The following TMEM200C variants were observed in gnomAD, a reference collection of about 807,000 sequenced individuals.
TMEM200C encodes the protein transmembrane protein TTMA.
For missense variants in TMEM200C, 966 were observed against 699.9 expected (o/e 1.38, Z -4.29); for synonymous variants, 462 against 324.7 (o/e 1.42, Z -4.55).
chr18:5,888,744 T>C (rs992974012), exon 3 of TMEM200C: 3 of 152,240 alleles, frequency 2.0e-5, no homozygotes, highest in African/African-American at 7.2e-5. Context: ...AGGGTTCTGG[T>C]AAACTCCACA....
chr18:5,890,238 G>C (rs1410701883), exon 3 of TMEM200C: 1 of 1,579,270 alleles, frequency 6.3e-7, no homozygotes, highest in East Asian at 2.3e-5. Context: ...TACCCCTATG[G>C]CATGAGACCT....
At chr18:5,889,321 A>C (rs1315465909) in exon 3 of TMEM200C, 1 of 152,190 alleles carries the variant, frequency 6.6e-6, no homozygotes, top group Non-Finnish European at 1.5e-5. Flanking sequence ...ACTTTGGGGG[A>C]AGATCACAAC....
exon 3 of TMEM200C, chr18:5,890,532 C>T (rs1356182181): frequency 2.7e-6 from 4 of 1,479,174 alleles, no homozygotes; most frequent in Non-Finnish European, 3.6e-6. Flanking sequence ...GCCCTCCAGC[C>T]GCAGGGGTGG....
At chr18:5,893,375 G>A (rs2095173064) in intron 2 of TMEM200C, among the ~76,000 whole-genome samples, 1 of 148,200 alleles carries the variant, frequency 6.7e-6, no homozygotes. Context: ...ACTACTCTTA[G>A]GAAGTTTATT....
exon 3 of TMEM200C, chr18:5,890,250 G>A (rs1688254430): frequency 1.9e-6 from 3 of 1,584,122 alleles, no homozygotes; most frequent in African/African-American, 1.3e-5. Context: ...ATGAGACCTG[G>A]AAATCATGAT....
exon 3 of TMEM200C, chr18:5,887,804 C>T (rs2095166524): frequency 6.6e-6 from 1 of 152,194 alleles, no homozygotes; most frequent in African/African-American, 2.4e-5. Flanking sequence ...CACTTATACA[C>T]TTCCTCTGAA....
exon 3 of TMEM200C, chr18:5,890,342 C>T: frequency 6.2e-7 from 1 of 1,603,586 alleles, no homozygotes; most frequent in Non-Finnish European, 8.5e-7. Flanking sequence ...CACCCTCCGG[C>T]GAGCTCTGCT....
Position 5,891,847 on chromosome 18 carries a change from C to A in TMEM200C, c.217G>T (p.Gly73Cys), listed in dbSNP as rs1343214684. 2 of 1,608,154 alleles carry A rather than the reference C, an allele frequency of 1.2e-6. No individual in the cohort carries two copies. Residue 73 changes from glycine to cysteine, a missense_variant, in exon 3 of 3, where the codon GGC becomes TGC. By Grantham distance (159) the Gly-to-Cys change is radical. Transcript: ENST00000581347. This position sits in a 1 kb window ranked among gnomAD's most constrained non-coding sequence, Gnocchi z 4.7. ...GTCCCGGTGGCCTTGGGCCAGTAGC[C>A]CACCACCGCCATGGCTATGCCCACC...
chr18:5,890,591 C>T, exon 3 of TMEM200C: 1 of 1,230,540 alleles, frequency 8.1e-7, no homozygotes, highest in Non-Finnish European at 1.0e-6. Flanking sequence ...GGTCCGCACT[C>T]CCCGGGGAGG....
rs1350060394 is a variant in TMEM200C at position 5,890,278 on chromosome 18, TA to T, written c.1785del (p.Phe595LeufsTer9). The T allele has an allele frequency of 5.0e-6, 8 of 1,597,844 alleles. No individual in the cohort carries two copies. Among genetic ancestry groups the T allele is most frequent in the Non-Finnish European group, 6.8e-6 (8 of 1,171,092 alleles). On this transcript the variant is annotated frameshift_variant, in exon 3 of 3. Transcript: ENST00000581347. LOFTEE classifies it low-confidence loss of function (END_TRUNC). ...ATCATGATGAGTTTCTCCTTGTTTG[TA>T]AACTGCCTCTGCACCGGCTGAGGTT...
chr18:5,896,049 C>T (rs2095175988), upstream of TMEM200C: 2 of 152,306 alleles, frequency 1.3e-5, no homozygotes, highest in Admixed American at 6.5e-5. Flanking sequence ...TTCCCCCTCC[C>T]GCTTGGGAGT....
exon 3 of TMEM200C, chr18:5,890,576 G>T (rs776112738): frequency 7.5e-7 from 1 of 1,329,786 alleles, no homozygotes. Context: ...GAGGGCTGGA[G>T]TCCGGGTCCG....
At position 5,891,195 on chromosome 18, in the gene TMEM200C, G is replaced by A; in HGVS notation, c.869C>T (p.Ala290Val). 2.1e-6 allele frequency: 2 copies of A among 972,574 alleles called. No homozygotes were observed. The highest frequency in any genetic ancestry group is 2.7e-6 in the Non-Finnish European group (2 of 744,452). The allele number at this position is 972,574 out of a possible 1,614,324, so 60.2% of individuals were successfully genotyped here. ...GCCCCGAGGGCGGCCGCCGCTCGGC[G>A]CCGCGGGGTGAGGAGGCCACGAGCC... Residue 290 changes from alanine (A) to valine (V), a missense_variant, in exon 3 of 3, where the codon GCG becomes GTG. Transcript: ENST00000581347. This position sits in a 1 kb window ranked among gnomAD's most constrained non-coding sequence, Gnocchi z 4.7.
At chr18:5,884,290 G>T (rs557097830) in exon 3 of TMEM200C, 1 of 151,970 alleles carries the variant, frequency 6.6e-6, no homozygotes, top group African/African-American at 2.4e-5. Context: ...ATTGTGTTTT[G>T]TGTTCTGCAT....
In TMEM200C at chr18:5,891,602, G is replaced by T. The variant is rs549658527; in HGVS notation, c.462C>A (p.Arg154=). The change falls in exon 3 of 3, where the codon CGC becomes CGA. Residue 154 remains arginine (R), a synonymous_variant. Coordinates refer to ENST00000581347, the Ensembl canonical transcript of TMEM200C. The surrounding 1 kb of genome is among the most constrained non-coding windows in gnomAD (Gnocchi z 4.7). ...CAGAGTGCAGGTAGCCAGAGAAGATGCGGAAGAAGAAGCCCACGGACGTGG... is the reference window on the plus strand; with the variant it reads ...CAGAGTGCAGGTAGCCAGAGAAGATTCGGAAGAAGAAGCCCACGGACGTGG... The T allele has an allele frequency of 2.1e-5, 34 of 1,613,910 alleles. No individual in the cohort carries two copies. In the South Asian group the frequency reaches 3.2e-4, roughly 15 times the overall value.
exon 3 of TMEM200C, chr18:5,883,633 A>G (rs563266678): frequency 6.6e-6 from 1 of 152,308 alleles, no homozygotes; most frequent in South Asian, 2.1e-4. Context: ...GTTTCCTGAT[A>G]TAAATGCTGC....
exon 3 of TMEM200C, chr18:5,883,270 TA>T (rs1247372976): frequency 1.3e-5 from 2 of 150,610 alleles, no homozygotes; most frequent in Non-Finnish European, 3.0e-5. Flanking sequence ...GAATTCAAAC[TA>T]ACAAAATTAT....
exon 2 of TMEM200C, chr18:5,895,370 G>A (rs1197442744): frequency 6.6e-6 from 1 of 151,406 alleles, no homozygotes; most frequent in Non-Finnish European, 1.5e-5. Flanking sequence ...GGCCCCTGCG[G>A]CCGCGCCGCC....
exon 3 of TMEM200C, chr18:5,890,562 G>C: frequency 7.1e-7 from 1 of 1,408,714 alleles, no homozygotes; most frequent in Non-Finnish European, 9.3e-7. Flanking sequence ...GGCGGCCTTG[G>C]CCAGAGGGCT....
Sources: gnomAD v4.1 joint callset for allele counts (sites outside exome capture counted in the v4.1 genomes callset) on GRCh38, gnomAD v4.1.1 for gene constraint, Gnocchi (gnomAD v3.1) non-coding constraint, MANE v1.5 for transcripts, NCBI Gene and HGNC (gene_info 2026-07-23, HGNC 2026-07-21) for gene names.